The following DNMBP variants were observed in gnomAD, a reference collection of about 807,000 sequenced individuals.
DNMBP encodes the protein dynamin-binding protein.
A neutral mutation model predicts 150.0 loss-of-function variants in DNMBP; 87 were observed. The ratio of observed to expected loss-of-function variants is 0.58; its 90% CI spans 0.49 to 0.69. The LOEUF (loss-of-function observed/expected upper bound fraction) is 0.69, where lower values mean the gene tolerates loss of function less well. DNMBP is among the 30% of genes least tolerant of loss of function. DNMBP has a pLI of 0.00. For synonymous variants in DNMBP, 711 were observed against 750.4 expected (o/e 0.95, Z 0.86); for missense variants, 1,774 against 1,949.0 (o/e 0.91, Z 1.69).
Position 99,990,728 on chromosome 10 carries a change from T to A in DNMBP, c.-10-18594A>T, listed in dbSNP as rs186586254. On this transcript the variant is annotated intron_variant, in intron 1 of 16. Transcript: ENST00000324109. ...ATATATACACACATATACACACAAA[T>A]ATACATATATATGCACATGTATATA... Among the ~76,000 whole-genome samples the A allele has an allele frequency of 4.0e-4, 60 of 150,586 alleles. 1 individual carries two copies. The East Asian group carries it at 9.6e-3, about 24-fold the overall frequency.
At chr10:99,976,997 G>A (rs910652644) in intron 1 of DNMBP, among the ~76,000 whole-genome samples, 2 of 152,100 alleles carry the variant, frequency 1.3e-5, no homozygotes, top group Non-Finnish European at 2.9e-5. Flanking sequence ...ATTACTTAGA[G>A]AACTACCCCA....
intron 4 of DNMBP, among the ~76,000 whole-genome samples, chr10:99,946,223 G>A (rs1009458675): frequency 6.6e-5 from 10 of 152,204 alleles, no homozygotes; most frequent in Non-Finnish European, 1.0e-4. Context: ...CTCCCAGAGT[G>A]CTGGGATTAC....
rs559947538 is a variant in DNMBP, at chr10:99,902,619, TAAAAAAA to T, written c.2555-2560_2555-2554del. ...AACACCGCACCCGGCTGCCTCCCTT[TAAAAAAA>T]AAAAAAAAAAAAAATTGTTGGCTGG... On this transcript the variant is annotated intron_variant, in intron 6 of 16. Coordinates refer to ENST00000324109, the MANE Select transcript of DNMBP (RefSeq NM_015221.4). Among the ~76,000 whole-genome samples the T allele has an allele frequency of 2.4e-5, 3 of 125,172 alleles. No homozygotes were observed. The South Asian group carries it at 8.3e-4, about 35-fold the overall frequency. The allele number at this position is 125,172 out of a possible 152,430, so 82.1% of individuals were successfully genotyped here.
chr10:99,927,522 A>C (rs184807471), intron 4 of DNMBP, among the ~76,000 whole-genome samples: 2 of 152,330 alleles, frequency 1.3e-5, no homozygotes, highest in Admixed American at 1.3e-4. Flanking sequence ...TGGAGCTGAG[A>C]TTTGAACTCA....
At chr10:99,975,580 G>C (rs570135772) in intron 1 of DNMBP, among the ~76,000 whole-genome samples, 3 of 152,100 alleles carry the variant, frequency 2.0e-5, no homozygotes, top group Admixed American at 1.3e-4. Flanking sequence ...TGAGTCCACA[G>C]TGGAAAAGAG....
chr10:99,995,190 C>T (rs377567344), intron 1 of DNMBP, among the ~76,000 whole-genome samples: 35 of 151,864 alleles, frequency 2.3e-4, no homozygotes, highest in Non-Finnish European at 4.7e-4. Flanking sequence ...GTAGCTGGGA[C>T]GGCAGACGTG....
chr10:99,943,130 C>T (rs1234315477), intron 4 of DNMBP, among the ~76,000 whole-genome samples: 1 of 151,962 alleles, frequency 6.6e-6, no homozygotes, highest in Non-Finnish European at 1.5e-5. Flanking sequence ...ACTAAAAATA[C>T]AAAAATTAGC....
At chr10:99,964,135 C>CTTTTTTTTTTTTTT (rs895801002) in intron 3 of DNMBP, among the ~76,000 whole-genome samples, 4 of 87,236 alleles carry the variant, frequency 4.6e-5, no homozygotes, top group African/African-American at 9.8e-5. Flanking sequence ...TATTCTCTCT[C>CTTTTTTTTTTTTTT]TTTTTTTTTT....
chr10:99,945,251 C>G (rs769008148), intron 4 of DNMBP, among the ~76,000 whole-genome samples: 2 of 152,158 alleles, frequency 1.3e-5, no homozygotes, highest in Non-Finnish European at 2.9e-5. Flanking sequence ...GAGAATAAAG[C>G]CTAACAATAA....
chr10:99,929,997 A>AT, intron 4 of DNMBP: 2 of 703,030 alleles, frequency 2.8e-6, no homozygotes, highest in Non-Finnish European at 5.2e-6. Context: ...ACCCTGATCC[A>AT]TAATATGAGT....
intron 1 of DNMBP, among the ~76,000 whole-genome samples, chr10:99,984,912 C>T (rs10786579): frequency 0.47 from 70,953 of 151,894 alleles, 17,581 homozygotes; most frequent in African/African-American, 0.63. Context: ...ACAAATTTTT[C>T]CCTTTTTTGT....
intron 1 of DNMBP, among the ~76,000 whole-genome samples, chr10:99,998,572 TCCG>T (rs1564759331): frequency 1.6e-4 from 18 of 115,648 alleles, no homozygotes; most frequent in Non-Finnish European, 2.5e-4. Context: ...AGAGTGAGAC[TCCG>T]TCTCAAAAAA....
chr10:99,970,315 T>A (rs1436878404), intron 2 of DNMBP, among the ~76,000 whole-genome samples: 2 of 152,206 alleles, frequency 1.3e-5, no homozygotes, highest in Non-Finnish European at 2.9e-5. Flanking sequence ...AGGATTGGAT[T>A]AACACAGATG....
Position 99,956,811 on chromosome 10 carries a change from A to C in DNMBP, c.663T>G (p.Ile221Met), listed in dbSNP as rs1305003013. 3 of 1,613,954 alleles carry C rather than the reference A, an allele frequency of 1.9e-6. No individual in the cohort carries two copies. In the African/African-American group the frequency reaches 4.0e-5, roughly 22 times the overall value. The change falls in exon 4 of 17, where the codon ATT becomes ATG. Residue 221 changes from isoleucine (I) to methionine (M), a missense_variant. Ile to Met is a conservative substitution (Grantham distance 10). Around this residue, in one of 2 missense-constraint regions of DNMBP, gnomAD observed 344 missense variants for 456.6 expected, o/e 0.75. Coordinates refer to ENST00000324109, the MANE Select transcript of DNMBP (RefSeq NM_015221.4). ...SVSSGNQDDC[I>M]VNGEVDTPVG... ...CAGGGGTATCTACTTCACCATTAAC[A>C]ATGCAGTCATCTTGATTTCCAGAAC...
intron 3 of DNMBP, among the ~76,000 whole-genome samples, chr10:99,965,545 T>A (rs2040612082): frequency 6.6e-6 from 1 of 150,420 alleles, no homozygotes. Flanking sequence ...TTGCCCAGGC[T>A]GGACTGCAGT....
chr10:99,886,565 T>C lies in DNMBP; in HGVS notation c.3353A>G (p.His1118Arg), dbSNP rs1327712438. The change falls in exon 13 of 17, where the codon CAT becomes CGT. Residue 1118 changes from histidine to arginine, a missense_variant. His to Arg is a conservative substitution (Grantham distance 29). Coordinates refer to ENST00000324109, the MANE Select transcript of DNMBP (RefSeq NM_015221.4). ...NQLLSMFTGP[H>R]KLVQKRFDKL... ...GTCAAAGCGTTTCTGTACCAGCTTA[T>C]GGGGCCCTGTAAACATGCTCAGTAA... 2.5e-6 allele frequency: 4 copies of C among 1,614,180 alleles called. No homozygotes were observed. The highest frequency in any genetic ancestry group is 3.4e-6 in the Non-Finnish European group (4 of 1,180,038).
chr10:99,930,232 A>G, intron 4 of DNMBP: 1 of 702,974 alleles, frequency 1.4e-6, no homozygotes, highest in Non-Finnish European at 2.6e-6. Flanking sequence ...TGGTCTATAT[A>G]CCACAACTGA....
intron 4 of DNMBP, among the ~76,000 whole-genome samples, chr10:99,926,594 C>G (rs574161607): frequency 2.7e-4 from 41 of 152,312 alleles, no homozygotes; most frequent in African/African-American, 8.9e-4. Flanking sequence ...AAGAAGAAAG[C>G]CCACATGGGG....
intron 4 of DNMBP, among the ~76,000 whole-genome samples, chr10:99,920,683 C>T (rs187675734): frequency 2.0e-4 from 31 of 152,178 alleles, no homozygotes; most frequent in Admixed American, 1.4e-3. Flanking sequence ...AACTCTGACG[C>T]GACTTCTCAG....
Sources: allele counts gnomAD v4.1 joint callset (sites outside exome capture counted in the v4.1 genomes callset), GRCh38; gene constraint gnomAD v4.1.1; regional missense constraint gnomAD v4.1.1; transcripts MANE v1.5; gene names NCBI Gene and HGNC (gene_info 2026-07-23, HGNC 2026-07-21).